Variants in PCDH15 observed in about 807,000 individuals in gnomAD.
The protein encoded by PCDH15 is protocadherin-15.
PCDH15 carries 129 observed loss-of-function variants against 178.5 expected under a neutral mutation model. That is an observed-to-expected ratio of 0.72 (90% CI 0.63 to 0.84). The LOEUF (loss-of-function observed/expected upper bound fraction) is 0.84, where lower values mean the gene tolerates loss of function less well. Among genes scored for constraint, PCDH15 ranks in the 40% least tolerant of loss-of-function variants. PCDH15 has a pLI of 0.00. For synonymous variants in PCDH15, 800 were observed against 732.0 expected, an observed-to-expected ratio of 1.09 and a Z score of -1.50; for missense variants, 2,230 against 2,099.9, an observed-to-expected ratio of 1.06 and a Z score of -1.21.
intron 29 of PCDH15, among the ~76,000 whole-genome samples, chr10:53,833,139 C>T (rs1427060054): frequency 2.0e-5 from 3 of 151,890 alleles, no homozygotes; most frequent in Admixed American, 2.0e-4. Context: ...AATTGCTTCA[C>T]AGGAACTATA....
At chr10:54,733,757 T>G (rs1446635124) in intron 1 of PCDH15, among the ~76,000 whole-genome samples, 1 of 151,534 alleles carries the variant, frequency 6.6e-6, no homozygotes, top group African/African-American at 2.4e-5. Context: ...GATACACATA[T>G]GAAAGGAATA....
At chr10:55,280,473 G>T (rs34251488) in intron 1 of PCDH15, among the ~76,000 whole-genome samples, 13 of 128,684 alleles carry the variant, frequency 1.0e-4, no homozygotes, top group African/African-American at 4.0e-4. Context: ...TTTTTTAGTA[G>T]AGACAGGGTT....
Position 53,896,084 on chromosome 10 carries a change from GTTTTA to G in PCDH15, c.3501+7154_3501+7158del, listed in dbSNP as rs1416963683. ...CATAAATCAATGTTTAAATTTACTT[GTTTTA>G]TTTTAATTGATATTATTTTATTTAT... is the stretch of plus-strand genomic sequence containing the variant. On this transcript the variant is annotated intron_variant, in intron 26 of 37. Transcript: ENST00000644397. 1.1e-4 allele frequency among the ~76,000 whole-genome samples: 17 copies of G among 151,772 alleles called. No individual in the cohort carries two copies. The South Asian group carries it at 2.3e-3, about 20-fold the overall frequency.
rs1270666830 is a variant in PCDH15, at chr10:54,717,130, A to C, written c.-28-52840T>G. On this transcript the variant is annotated intron_variant, in intron 1 of 37. Coordinates refer to ENST00000644397, the MANE Select transcript of PCDH15 (RefSeq NM_001384140.1). ...TAATTCAAGATGGATTAAAGACTTA[A>C]ATGTTAGACCTAAAACCATAAAAAC... Among the ~76,000 whole-genome samples, 36 of 139,524 alleles carry C rather than the reference A, an allele frequency of 2.6e-4. 2 individuals are homozygous for C. Among genetic ancestry groups the C allele is most frequent in the African/African-American group, 9.9e-4 (36 of 36,398 alleles). 91.5% of individuals were successfully genotyped at this position (139,524 alleles called of 152,430 possible). A position where few individuals can be genotyped will look rare whatever the true frequency, so the allele number is the denominator to read the frequency against.
In PCDH15 at chr10:55,135,449, C is replaced by A. The variant is rs767573518; in HGVS notation, c.-80+31127G>T. On this transcript the variant is annotated intron_variant, in intron 2 of 5. Coordinates refer to the PCDH15 transcript ENST00000458638. ...CCTGTCCCCAGCTCCACTCCCTAAA[C>A]ACAATAAAAACGAAGCTAGTTTCCT... is the stretch of plus-strand genomic sequence containing the variant. 2.1e-4 allele frequency among the ~76,000 whole-genome samples: 32 copies of A among 151,998 alleles called. 1 individual carries two copies. Among genetic ancestry groups the A allele is most frequent in the Non-Finnish European group, 3.7e-4 (25 of 67,992 alleles).
At chr10:55,371,426 ATTTGGC>A (rs946174080) in intron 2 of PCDH15, among the ~76,000 whole-genome samples, 1 of 152,054 alleles carries the variant, frequency 6.6e-6, no homozygotes, top group African/African-American at 2.4e-5. Flanking sequence ...TAGTGATATG[ATTTGGC>A]TCTGTGTCCT....
chr10:54,723,055 T>C (rs1383662127), intron 1 of PCDH15, among the ~76,000 whole-genome samples: 2 of 151,572 alleles, frequency 1.3e-5, no homozygotes, highest in East Asian at 3.9e-4. Flanking sequence ...TCTTAATGTT[T>C]AGATGGAAGC....
At chr10:54,332,545 T>C (rs1445634409) in intron 6 of PCDH15, among the ~76,000 whole-genome samples, 1 of 150,640 alleles carries the variant, frequency 6.6e-6, no homozygotes, top group African/African-American at 2.4e-5. Context: ...CACTTATTTC[T>C]CTGTGTACTA....
At chr10:54,148,586 A>AG (rs1018347702) in intron 14 of PCDH15, among the ~76,000 whole-genome samples, 1 of 151,954 alleles carries the variant, frequency 6.6e-6, no homozygotes, top group Non-Finnish European at 1.5e-5. Context: ...GTGGATATGG[A>AG]GGGCCAAGTG....
intron 2 of PCDH15, among the ~76,000 whole-genome samples, chr10:54,615,410 G>T (rs1229106999): frequency 6.6e-6 from 1 of 152,026 alleles, no homozygotes; most frequent in Non-Finnish European, 1.5e-5. Context: ...GGAATTAGAA[G>T]ATTCAAGAGT....
At chr10:54,873,454 T>A (rs996124148) in intron 3 of PCDH15, among the ~76,000 whole-genome samples, 1 of 150,142 alleles carries the variant, frequency 6.7e-6, no homozygotes, top group African/African-American at 2.4e-5. Flanking sequence ...TGATAAAAAA[T>A]CTAAAGAAAC....
At chr10:55,202,277 AT>A (rs1195666693) in intron 1 of PCDH15, among the ~76,000 whole-genome samples, 6 of 152,104 alleles carry the variant, frequency 3.9e-5, no homozygotes, top group Non-Finnish European at 7.3e-5. Flanking sequence ...CCACGGGGAA[AT>A]ACTTTTGCCA....
At chr10:54,621,359 C>T (rs76441125) in intron 2 of PCDH15, among the ~76,000 whole-genome samples, 4,554 of 151,022 alleles carry the variant, frequency 0.03, 218 homozygotes, top group African/African-American at 0.1. Context: ...CTCTGCATAC[C>T]TCCTCAAGAT....
At chr10:55,084,639 C>T (rs576754344) in intron 2 of PCDH15, among the ~76,000 whole-genome samples, 2 of 151,908 alleles carry the variant, frequency 1.3e-5, no homozygotes, top group East Asian at 3.9e-4. Context: ...GAAGAGACAA[C>T]CCACAAAATG....
intron 3 of PCDH15, among the ~76,000 whole-genome samples, chr10:54,513,788 A>G (rs1331333349): frequency 6.6e-6 from 1 of 152,176 alleles, no homozygotes; most frequent in East Asian, 1.9e-4. Context: ...TTCTCAAAAA[A>G]CAGTATTTGA....
At chr10:53,896,351 T>C (rs563670944) in intron 26 of PCDH15, among the ~76,000 whole-genome samples, 10 of 152,350 alleles carry the variant, frequency 6.6e-5, no homozygotes, top group African/African-American at 2.4e-4. Context: ...CATCACTTTT[T>C]CTATTTCTTT....
intron 1 of PCDH15, among the ~76,000 whole-genome samples, chr10:54,689,699 T>C (rs2095080822): frequency 1.3e-5 from 2 of 152,184 alleles, no homozygotes; most frequent in African/African-American, 4.8e-5. Context: ...ATGACTGTGT[T>C]ATACATAGAG....
At chr10:54,063,954 G>T (rs2094085390) in intron 18 of PCDH15, among the ~76,000 whole-genome samples, 1 of 152,200 alleles carries the variant, frequency 6.6e-6, no homozygotes, top group Admixed American at 6.5e-5. Context: ...CATGGTGAGG[G>T]GGGTGGCAGC....
chr10:55,040,666 A>G (rs1331144717), intron 2 of PCDH15, among the ~76,000 whole-genome samples: 1 of 152,194 alleles, frequency 6.6e-6, no homozygotes, highest in East Asian at 1.9e-4. Context: ...TCACATGCAC[A>G]CATACACACA....
Sources: allele counts gnomAD v4.1 joint callset (sites outside exome capture counted in the v4.1 genomes callset), GRCh38; gene constraint gnomAD v4.1.1; transcripts MANE v1.5; gene names NCBI Gene and HGNC (gene_info 2026-07-23, HGNC 2026-07-21).